The following POU2F1 variants were observed in gnomAD, a reference collection of about 807,000 sequenced individuals.
POU2F1 encodes POU domain, class 2, transcription factor 1.
A neutral mutation model predicts 84.9 loss-of-function variants in POU2F1; 16 were observed. The observed-to-expected ratio is 0.19, with a 90% CI of 0.13 to 0.29. The LOEUF is 0.29. POU2F1 is among the 10% of genes least tolerant of loss of function. The pLI is 1.00. For missense variants in POU2F1, 738 were observed against 942.6 expected, an observed-to-expected ratio of 0.78 and a Z score of 2.84; for synonymous variants, 368 against 368.3, an observed-to-expected ratio of 1.00 and a Z score of 0.01.
chr1:167,293,225 T>C (rs1654046484), intron 1 of POU2F1, among the ~76,000 whole-genome samples: 1 of 152,152 alleles, frequency 6.6e-6, no homozygotes, highest in Non-Finnish European at 1.5e-5. Flanking sequence ...ACTATCGTGA[T>C]TGTATGCCTA....
At chr1:167,291,371 T>C (rs574515718) in intron 1 of POU2F1, among the ~76,000 whole-genome samples, 16 of 152,328 alleles carry the variant, frequency 1.1e-4, no homozygotes, top group African/African-American at 3.6e-4. Flanking sequence ...TCTAATGATA[T>C]AGGACAGCGG....
intron 1 of POU2F1, among the ~76,000 whole-genome samples, chr1:167,274,286 T>G (rs1324205050): frequency 6.6e-6 from 1 of 152,172 alleles, no homozygotes; most frequent in Non-Finnish European, 1.5e-5. Context: ...CCCTGTTGCT[T>G]TAGGTAAAGT....
intron 15 of POU2F1, among the ~76,000 whole-genome samples, chr1:167,413,429 T>C (rs1311396301): frequency 6.6e-6 from 1 of 152,118 alleles, no homozygotes; most frequent in Non-Finnish European, 1.5e-5. Flanking sequence ...AAGCCAGATT[T>C]TTTTCCCCTG....
intron 2 of POU2F1, among the ~76,000 whole-genome samples, chr1:167,343,869 G>A (rs71630402): frequency 6.6e-6 from 1 of 151,642 alleles, no homozygotes; most frequent in Admixed American, 6.6e-5. Context: ...TGCAGGTGAA[G>A]ATGTGGGCAA....
In POU2F1 at chr1:167,424,854, A is replaced by G. The variant is rs545219639; in HGVS notation, c.*9044A>G. ...GTTTCTGACAGCTGGCCACACGTCAACTTCTGTACTTGCCTTTTCCTTGGT... is the reference window on the plus strand; with the variant it reads ...GTTTCTGACAGCTGGCCACACGTCAGCTTCTGTACTTGCCTTTTCCTTGGT... On this transcript the variant is annotated 3_prime_UTR_variant, in exon 16 of 16. Transcript: ENST00000367866. 1 of 151,996 alleles carries G rather than the reference A, an allele frequency of 6.6e-6. No homozygotes were observed. The highest frequency in any genetic ancestry group is 2.4e-5 in the African/African-American group (1 of 41,344). 9.4% of individuals were successfully genotyped at this position (151,996 alleles called of 1,614,324 possible).
intron 1 of POU2F1, among the ~76,000 whole-genome samples, chr1:167,281,623 C>T (rs1653145910): frequency 6.6e-6 from 1 of 152,140 alleles, no homozygotes; most frequent in African/African-American, 2.4e-5. Context: ...GAACATGGTT[C>T]AAACAGTTGA....
At chr1:167,266,622 ATT>A (rs34659711) in intron 1 of POU2F1, among the ~76,000 whole-genome samples, 34 of 136,780 alleles carry the variant, frequency 2.5e-4, no homozygotes, top group African/African-American at 5.8e-4. Flanking sequence ...AATACTATTA[ATT>A]TTTTTTTTTT....
At chr1:167,259,328 A>G (rs1241516500) in intron 1 of POU2F1, among the ~76,000 whole-genome samples, 1 of 152,194 alleles carries the variant, frequency 6.6e-6, no homozygotes, top group African/African-American at 2.4e-5. Context: ...AGGAGCAGCA[A>G]AGGCACACTG....
intron 1 of POU2F1, among the ~76,000 whole-genome samples, chr1:167,242,497 TGA>T (rs1649986459): frequency 6.6e-6 from 1 of 152,204 alleles, no homozygotes; most frequent in Admixed American, 6.5e-5. Flanking sequence ...CTTACCATGG[TGA>T]CGCATTGAAG....
chr1:167,278,109 C>T (rs1251258021), intron 1 of POU2F1, among the ~76,000 whole-genome samples: 25 of 152,178 alleles, frequency 1.6e-4, no homozygotes, highest in Admixed American at 1.6e-3. Flanking sequence ...AGGCCTACTT[C>T]TCCACCTCCC....
intron 1 of POU2F1, among the ~76,000 whole-genome samples, chr1:167,286,032 T>C (rs1344828485): frequency 6.6e-6 from 1 of 152,144 alleles, no homozygotes; most frequent in Non-Finnish European, 1.5e-5. Flanking sequence ...ATGAAAGGTA[T>C]GGCTGGAAAA....
chr1:167,341,567 A>C lies in POU2F1; in HGVS notation c.127+9032A>C, dbSNP rs1409831350. 2.0e-5 allele frequency among the ~76,000 whole-genome samples: 3 copies of C among 152,140 alleles called. No homozygotes were observed. In the East Asian group the frequency reaches 5.8e-4, roughly 29 times the overall value. On this transcript the variant is annotated intron_variant, in intron 2 of 15. Transcript: ENST00000367866. ...TCATATGTTTGGCTGCCCACACTCA[A>C]ACCTCTTAGAGGAAGGGAAGCACAC...
At chr1:167,283,419 A>T (rs958775925) in intron 1 of POU2F1, among the ~76,000 whole-genome samples, 3 of 152,260 alleles carry the variant, frequency 2.0e-5, no homozygotes, top group African/African-American at 7.2e-5. Context: ...TCTGAGCTAG[A>T]CCTCTTGATG....
chr1:167,411,125 C>T (rs1308070412), intron 13 of POU2F1, among the ~76,000 whole-genome samples: 1 of 151,798 alleles, frequency 6.6e-6, no homozygotes, highest in Non-Finnish European at 1.5e-5. Flanking sequence ...CTGCAACCTC[C>T]GCCTCCCAGG....
chr1:167,376,922 T>G (rs944959856), intron 7 of POU2F1, among the ~76,000 whole-genome samples: 2 of 152,204 alleles, frequency 1.3e-5, no homozygotes, highest in African/African-American at 2.4e-5. Context: ...ACCTAAATTA[T>G]GTTAGATTTG....
chr1:167,247,974 A>G (rs372182494), intron 1 of POU2F1, among the ~76,000 whole-genome samples: 257 of 152,318 alleles, frequency 1.7e-3, no homozygotes, highest in African/African-American at 6.0e-3. Context: ...ATCTTTTTCT[A>G]ATAATAGAAT....
rs1650638741 is a variant in POU2F1 at position 167,421,318 on chromosome 1, T to C, written c.*5508T>C. On this transcript the variant is annotated 3_prime_UTR_variant, in exon 16 of 16. Coordinates refer to ENST00000367866, the MANE Select transcript of POU2F1 (RefSeq NM_002697.4). ...ACAGGAATAGGATAAATAAATTGCT[T>C]TCATCATAAAGGCCAATCATCCATT... The C allele has an allele frequency of 6.6e-6, 1 of 152,208 alleles. No individual in the cohort carries two copies. The allele number at this position is 152,208 out of a possible 1,614,324, so 9.4% of individuals were successfully genotyped here.
intron 2 of POU2F1, among the ~76,000 whole-genome samples, chr1:167,356,854 G>T (rs1292490428): frequency 2.0e-5 from 3 of 152,206 alleles, no homozygotes; most frequent in Non-Finnish European, 4.4e-5. Flanking sequence ...CTGCCCACAT[G>T]TGTAGTGCCC....
At chr1:167,299,363 G>C (rs1654502011) in intron 1 of POU2F1, among the ~76,000 whole-genome samples, 1 of 152,026 alleles carries the variant, frequency 6.6e-6, no homozygotes, top group African/African-American at 2.4e-5. Flanking sequence ...TAAAATGTAT[G>C]ACTCAAACTT....
Sources: allele counts gnomAD v4.1 joint callset (sites outside exome capture counted in the v4.1 genomes callset), GRCh38; gene constraint gnomAD v4.1.1; transcripts MANE v1.5; gene names NCBI Gene and HGNC (gene_info 2026-07-23, HGNC 2026-07-21).